RSU1: variants seen among roughly 807,000 people sequenced by gnomAD.
The protein encoded by RSU1 is Ras suppressor protein 1.
RSU1 carries 26 observed loss-of-function variants against 31.1 expected under a neutral mutation model. That is an observed-to-expected ratio of 0.84 (90% CI 0.61 to 1.16). RSU1 has a LOEUF of 1.16. RSU1 is among the 50% of genes most tolerant of loss of function. The pLI, the probability that RSU1 is intolerant of heterozygous loss-of-function variation, is 0.00. For missense variants in RSU1, 320 were observed against 339.1 expected (o/e 0.94, Z 0.44); for synonymous variants, 164 against 136.3 (o/e 1.20, Z -1.41).
chr10:16,789,770 C>T (rs924025591), intron 2 of RSU1, among the ~76,000 whole-genome samples: 1 of 152,186 alleles, frequency 6.6e-6, no homozygotes, highest in African/African-American at 2.4e-5. Context: ...TAACCAGACA[C>T]CATTCAGAAT....
rs555734634 is a variant in RSU1, at chr10:16,738,689, T to A, written c.598+13850A>T. On this transcript the variant is annotated intron_variant, in intron 7 of 8. Coordinates refer to ENST00000345264, the MANE Select transcript of RSU1 (RefSeq NM_012425.4). Reference sequence around the variant, plus strand: ...ACAATACAGACTAACTCAGAAGAAATGTACTTTTTAAAAAAAAATTATTTT... The same window carrying A: ...ACAATACAGACTAACTCAGAAGAAAAGTACTTTTTAAAAAAAAATTATTTT... Among the ~76,000 whole-genome samples, 83 of 152,144 alleles carry A rather than the reference T, an allele frequency of 5.5e-4. 1 individual carries two copies. The highest frequency in any genetic ancestry group is 1.0e-3 in the Non-Finnish European group (71 of 68,004).
rs1833515240 is a variant in RSU1, at chr10:16,592,065, G to T, written c.*1329C>A. On this transcript the variant is annotated 3_prime_UTR_variant, in exon 9 of 9. Transcript: ENST00000345264. ...AACTCAGAACTTGTTGTTTGATTTT[G>T]ATTTTTGACTTTTTTATATGCCCCA... 6.6e-6 allele frequency: 1 copy of T among 150,854 alleles called. No individual in the cohort carries two copies. Among genetic ancestry groups the T allele is most frequent in the South Asian group, 2.1e-4 (1 of 4,816 alleles). 9.3% of individuals were successfully genotyped at this position (150,854 alleles called of 1,614,324 possible). A position where few individuals can be genotyped will look rare whatever the true frequency, so the allele number is the denominator to read the frequency against.
At chr10:16,806,590 A>G (rs1838272516) in intron 2 of RSU1, among the ~76,000 whole-genome samples, 1 of 152,170 alleles carries the variant, frequency 6.6e-6, no homozygotes. Flanking sequence ...GTGTGCGTGT[A>G]TTATATTAAT....
At chr10:16,622,420 A>T (rs764679266) in intron 8 of RSU1, among the ~76,000 whole-genome samples, 2 of 152,226 alleles carry the variant, frequency 1.3e-5, no homozygotes, top group Non-Finnish European at 1.5e-5. Flanking sequence ...AGGGCAACTG[A>T]TGTTGACTTT....
At chr10:16,708,370 C>T (rs561775233) in intron 7 of RSU1, among the ~76,000 whole-genome samples, 2 of 152,120 alleles carry the variant, frequency 1.3e-5, no homozygotes, top group East Asian at 3.9e-4. Flanking sequence ...CATTGTCTTC[C>T]TGGTGAGTAG....
chr10:16,794,122 C>T (rs963918526), intron 2 of RSU1, among the ~76,000 whole-genome samples: 2 of 152,150 alleles, frequency 1.3e-5, no homozygotes, highest in African/African-American at 2.4e-5. Context: ...GACACGCACC[C>T]CTCCTATGAC....
At chr10:16,642,381 C>G (rs1834458437) in intron 8 of RSU1, among the ~76,000 whole-genome samples, 1 of 152,128 alleles carries the variant, frequency 6.6e-6, no homozygotes, top group Non-Finnish European at 1.5e-5. Flanking sequence ...TGCACCAATG[C>G]CAGCTTCTCA....
chr10:16,743,481 C>T (rs907274890), intron 7 of RSU1, among the ~76,000 whole-genome samples: 2 of 152,170 alleles, frequency 1.3e-5, no homozygotes, highest in Admixed American at 1.3e-4. Flanking sequence ...CGATATTCTG[C>T]ACAAAAACTA....
chr10:16,636,295 C>A (rs1588686360), intron 8 of RSU1, among the ~76,000 whole-genome samples: 1 of 152,042 alleles, frequency 6.6e-6, no homozygotes, highest in Non-Finnish European at 1.5e-5. Context: ...TCTCAATATT[C>A]CCCCATCTTA....
chr10:16,680,287 T>C lies in RSU1; in HGVS notation c.731+14736A>G, dbSNP rs146238435. Among the ~76,000 whole-genome samples, 397 of 152,010 alleles carry C rather than the reference T, an allele frequency of 2.6e-3. 2 individuals carry two copies. The highest frequency in any genetic ancestry group is 4.2e-3 in the Non-Finnish European group (288 of 67,968). On this transcript the variant is annotated intron_variant, in intron 8 of 8. Transcript: ENST00000345264. ...CACAGGCCTGTGTCTCAGGACAGAA[T>C]GTACACGTGAAGCCTGGACATAAGA...
At chr10:16,738,484 G>A (rs1047157860) in intron 7 of RSU1, among the ~76,000 whole-genome samples, 11 of 152,012 alleles carry the variant, frequency 7.2e-5, no homozygotes, top group Admixed American at 3.3e-4. Flanking sequence ...AATCAATCAC[G>A]TAAGCTTTCA....
At chr10:16,694,989 A>C in intron 8 of RSU1, 34 bp downstream of exon 8, 1 of 1,572,644 alleles carries the variant, frequency 6.4e-7, no homozygotes, top group Non-Finnish European at 8.7e-7. Flanking sequence ...ATAAAATCAC[A>C]GTCTACTATT....
rs752595295 is a variant in RSU1, at chr10:16,755,002, G to C, written c.282-13C>G. The stretch of plus-strand genomic sequence containing the variant: ...CAGCCTGTTCATGCTGTTGCAGGGG[G>C]ACAAAAATCTATGTCATGACACCAA... On this transcript the variant is annotated splice_polypyrimidine_tract_variant and intron_variant, in intron 4 of 8. Transcript: ENST00000345264. 1 of 1,542,108 alleles carries C rather than the reference G, an allele frequency of 6.5e-7. No homozygotes were observed. The highest frequency in any genetic ancestry group is 8.9e-7 in the Non-Finnish European group (1 of 1,120,712).
chr10:16,707,378 C>T (rs1261802316), intron 7 of RSU1, among the ~76,000 whole-genome samples: 2 of 152,140 alleles, frequency 1.3e-5, no homozygotes, highest in Non-Finnish European at 1.5e-5. Flanking sequence ...TCTCCACATC[C>T]TTGCCAACCC....
chr10:16,679,868 A>G (rs1471900579), intron 8 of RSU1, among the ~76,000 whole-genome samples: 1 of 85,606 alleles, frequency 1.2e-5, no homozygotes, highest in African/African-American at 3.9e-5. Context: ...TAAAGACTCA[A>G]GTTTTTTTTT....
At chr10:16,621,996 C>T (rs546152640) in intron 8 of RSU1, among the ~76,000 whole-genome samples, 80 of 152,158 alleles carry the variant, frequency 5.3e-4, no homozygotes, top group Non-Finnish European at 1.0e-3. Context: ...AATACAGGTG[C>T]CTTGCTTGAG....
At position 16,594,636 on chromosome 10, in the gene RSU1, TATG is replaced by T. The variant is rs1464089444; in HGVS notation, c.732-1143_732-1141del. Among the ~76,000 whole-genome samples, 7 of 129,556 alleles carry T rather than the reference TATG, an allele frequency of 5.4e-5. 1 individual carries two copies. In the East Asian group the frequency reaches 5.8e-4, roughly 11 times the overall value. The allele number at this position is 129,556 out of a possible 152,430, so 85.0% of individuals were successfully genotyped here. On this transcript the variant is annotated intron_variant, in intron 8 of 8. Transcript: ENST00000345264. ...ATTATATGATATATATGATAGATAATATGATATATATGATATATATCATATATT... is the reference window on the plus strand; with the variant it reads ...ATTATATGATATATATGATAGATAATATATATATGATATATATCATATATT...
chr10:16,750,609 G>A (rs1836958206), intron 7 of RSU1, among the ~76,000 whole-genome samples: 1 of 152,016 alleles, frequency 6.6e-6, no homozygotes, highest in South Asian at 2.1e-4. Context: ...TTGCCTCACT[G>A]CTTGAAAAAT....
chr10:16,601,994 T>G (rs950155911), intron 8 of RSU1, among the ~76,000 whole-genome samples: 9 of 152,182 alleles, frequency 5.9e-5, no homozygotes, highest in African/African-American at 1.9e-4. Flanking sequence ...AATGGCTCAC[T>G]CAATCTGAGG....
Sources: gnomAD v4.1 joint callset for allele counts (sites outside exome capture counted in the v4.1 genomes callset) on GRCh38, gnomAD v4.1.1 for gene constraint, MANE v1.5 for transcripts, NCBI Gene and HGNC (gene_info 2026-07-23, HGNC 2026-07-21) for gene names.